Variants in PALS1 observed in about 807,000 individuals in gnomAD.
PALS1 encodes protein associated with LIN7 1, MAGUK p55 family member, also known as protein PALS1.
Under a neutral mutation model 78.9 loss-of-function variants are expected in PALS1, and 31 were observed. The observed-to-expected ratio is 0.39, with a 90% confidence interval of 0.30 to 0.53. The LOEUF is 0.53. Ranked by LOEUF, PALS1 falls within the 20% of genes least tolerant of loss-of-function variation. PALS1 has a pLI of 0.67. For synonymous variants in PALS1, 276 were observed against 270.9 expected (o/e 1.02, Z -0.18); for missense variants, 704 against 826.5 (o/e 0.85, Z 1.82).
chr14:67,263,379 A>G (rs904782347), intron 1 of PALS1, among the ~76,000 whole-genome samples: 1 of 152,162 alleles, frequency 6.6e-6, no homozygotes, highest in Non-Finnish European at 1.5e-5. Context: ...TCAGAGCTCA[A>G]CTTTAGGGAT....
intron 2 of PALS1, among the ~76,000 whole-genome samples, chr14:67,277,826 A>G (rs1160048247): frequency 6.6e-6 from 1 of 152,162 alleles, no homozygotes; most frequent in Non-Finnish European, 1.5e-5. Context: ...AATCCTATGA[A>G]TAAAGCTTCC....
At chr14:67,279,910 A>T (rs1019942957) in intron 3 of PALS1, 7 of 191,766 alleles carry the variant, frequency 3.7e-5, no homozygotes, top group Non-Finnish European at 7.4e-5. Context: ...GTAAAATAGT[A>T]ATAAATTTGT....
intron 2 of PALS1, among the ~76,000 whole-genome samples, chr14:67,277,122 G>T (rs1272439646): frequency 6.6e-6 from 1 of 152,094 alleles, no homozygotes; most frequent in East Asian, 1.9e-4. Flanking sequence ...CATTTAAAAA[G>T]CTGAATTTGC....
intron 9 of PALS1, among the ~76,000 whole-genome samples, chr14:67,314,420 A>G (rs1318569020): frequency 6.6e-6 from 1 of 152,236 alleles, no homozygotes; most frequent in Non-Finnish European, 1.5e-5. Flanking sequence ...TTTAAAACTC[A>G]GAGGCTAGAA....
rs2085512502 is a variant in PALS1, at chr14:67,335,294, T to A, written c.*2338T>A. On this transcript the variant is annotated 3_prime_UTR_variant, in exon 15 of 15. Coordinates refer to ENST00000261681, the MANE Select transcript of PALS1 (RefSeq NM_022474.4). Reference sequence around the variant, plus strand: ...TGTTGCTGACCTCCACAAAAGAATATGGAAAAAAGCCTTGCTGTACACCTA... The same window carrying A: ...TGTTGCTGACCTCCACAAAAGAATAAGGAAAAAAGCCTTGCTGTACACCTA... The A allele has an allele frequency of 1.3e-5, 2 of 152,204 alleles. No homozygotes were observed. The highest frequency in any genetic ancestry group is 4.8e-5 in the African/African-American group (2 of 41,456). The allele number at this position is 152,204 out of a possible 1,614,324, so 9.4% of individuals were successfully genotyped here.
At chr14:67,328,900 G>A (rs985346855) in intron 14 of PALS1, among the ~76,000 whole-genome samples, 6 of 152,324 alleles carry the variant, frequency 3.9e-5, no homozygotes, top group Admixed American at 3.3e-4. Flanking sequence ...ATAGTTTGAA[G>A]TTGGATAGGG....
intron 1 of PALS1, among the ~76,000 whole-genome samples, chr14:67,268,945 ATATT>A (rs2084371172): frequency 6.6e-6 from 1 of 152,180 alleles, no homozygotes; most frequent in Non-Finnish European, 1.5e-5. Context: ...GGATTTTAGT[ATATT>A]TAGAGTTGTG....
At chr14:67,245,589 T>G (rs2083974906) in intron 1 of PALS1, among the ~76,000 whole-genome samples, 1 of 152,070 alleles carries the variant, frequency 6.6e-6, no homozygotes, top group Non-Finnish European at 1.5e-5. Flanking sequence ...TGGGCTCAAG[T>G]GATTCTCCTG....
intron 1 of PALS1, among the ~76,000 whole-genome samples, chr14:67,264,936 T>A (rs894919192): frequency 5.9e-5 from 9 of 151,500 alleles, no homozygotes; most frequent in African/African-American, 1.5e-4. Flanking sequence ...GGAATCATAT[T>A]TTTTTTTTCC....
chr14:67,261,969 G>A (rs1400488489), intron 1 of PALS1, among the ~76,000 whole-genome samples: 2 of 152,124 alleles, frequency 1.3e-5, no homozygotes, highest in Non-Finnish European at 2.9e-5. Flanking sequence ...TTTGAAGGAA[G>A]CATGTAGTCA....
At chr14:67,327,800 C>T (rs1210703398) in intron 14 of PALS1, among the ~76,000 whole-genome samples, 5 of 152,190 alleles carry the variant, frequency 3.3e-5, no homozygotes, top group African/African-American at 9.7e-5. Context: ...TCATCCATGT[C>T]CCTACAAAAG....
At position 67,260,250 on chromosome 14, in the gene PALS1, G is replaced by A. The variant is rs115152600; in HGVS notation, c.-236-9451G>A. ...CCTCTACGGCCATACCACCCTGACT[G>A]TGCCTGATCTTGTCTGATCTTGGAA... is the stretch of plus-strand genomic sequence containing the variant. On this transcript the variant is annotated intron_variant, in intron 1 of 14. Coordinates refer to ENST00000261681, the MANE Select transcript of PALS1 (RefSeq NM_022474.4). 2.2e-3 allele frequency among the ~76,000 whole-genome samples: 329 copies of A among 152,258 alleles called. 1 individual carries two copies. Among genetic ancestry groups the A allele is most frequent in the African/African-American group, 7.7e-3 (318 of 41,528 alleles).
chr14:67,257,175 T>A (rs932682491), intron 1 of PALS1, among the ~76,000 whole-genome samples: 1 of 152,146 alleles, frequency 6.6e-6, no homozygotes, highest in Non-Finnish European at 1.5e-5. Context: ...GAGTCCTTGA[T>A]CAGTCTTTCA....
chr14:67,315,716 G>A (rs1487496705), intron 9 of PALS1, among the ~76,000 whole-genome samples: 1 of 152,218 alleles, frequency 6.6e-6, no homozygotes, highest in Non-Finnish European at 1.5e-5. Flanking sequence ...CCTGAGATTA[G>A]GAGTTTAAGA....
intron 14 of PALS1, among the ~76,000 whole-genome samples, chr14:67,331,127 CTCTGCTTCCTG>C (rs2085443414): frequency 6.6e-6 from 1 of 152,148 alleles, no homozygotes; most frequent in Non-Finnish European, 1.5e-5. Context: ...TCACTGCAAC[CTCTGCTTCCTG>C]GGTTTAAGTG....
intron 3 of PALS1, among the ~76,000 whole-genome samples, chr14:67,287,792 A>ACATG (rs2084713492): frequency 6.6e-6 from 1 of 152,254 alleles, no homozygotes; most frequent in Non-Finnish European, 1.5e-5. Context: ...TTGAAAGGCT[A>ACATG]CATGGCGTAG....
intron 1 of PALS1, among the ~76,000 whole-genome samples, chr14:67,258,337 C>T (rs775236649): frequency 3.9e-5 from 6 of 152,112 alleles, no homozygotes; most frequent in Admixed American, 6.5e-5. Flanking sequence ...GAGTTCGAGA[C>T]TAGTCTGGGC....
chr14:67,241,923 AG>A (rs2083912023), intron 1 of PALS1: 1 of 152,156 alleles, frequency 6.6e-6, no homozygotes, highest in Non-Finnish European at 1.5e-5. Context: ...GAAATCGGCG[AG>A]GGAACGCTTT....
chr14:67,279,934 A>G (rs2084578668), intron 3 of PALS1: 2 of 169,708 alleles, frequency 1.2e-5, no homozygotes. Flanking sequence ...TACAGTTTAA[A>G]TTCTTTGATT....
Sources: gnomAD v4.1 joint callset for allele counts (sites outside exome capture counted in the v4.1 genomes callset) on GRCh38, gnomAD v4.1.1 for gene constraint, MANE v1.5 for transcripts, NCBI Gene and HGNC (gene_info 2026-07-23, HGNC 2026-07-21) for gene names.